UNC45A: variants seen among roughly 807,000 people sequenced by gnomAD.
UNC45A encodes unc-45 myosin chaperone A.
UNC45A carries 78 observed loss-of-function variants against 103.2 expected under a neutral mutation model. The observed-to-expected ratio is 0.76, with a 90% CI of 0.63 to 0.91. The LOEUF (loss-of-function observed/expected upper bound fraction) is 0.91, where lower values mean the gene tolerates loss of function less well. UNC45A is among the 40% of genes least tolerant of loss of function. The probability of loss-of-function intolerance (pLI) is 0.00; values close to 1 mark genes in which losing one functional copy is unlikely to be tolerated. For missense variants in UNC45A, 1,193 were observed against 1,224.8 expected, an observed-to-expected ratio of 0.97 and a Z score of 0.39; for synonymous variants, 495 against 504.6, an observed-to-expected ratio of 0.98 and a Z score of 0.25.
At chr15:90,953,436 T>C in intron 19 of UNC45A, 23 bp from the exon 20 acceptor site, 1 of 1,612,122 alleles carries the variant, frequency 6.2e-7, no homozygotes, top group Non-Finnish European at 8.5e-7. Flanking sequence ...CCAGGGGTCA[T>C]ATCTACCCTG....
At chr15:90,931,557 C>T, upstream of UNC45A, 1 of 1,614,170 alleles carries the variant, frequency 6.2e-7, no homozygotes, top group Non-Finnish European at 8.5e-7. Context: ...TGTATTTTTA[C>T]TGTATGAAAG....
At position 90,935,532 on chromosome 15, in the gene UNC45A, TTCTC is replaced by T; in HGVS notation, c.52-8_52-5del. ...ACCCCCTCCGACGTTTCCGCCCCCTTTCTCTCTACAGGCCAGCTCAGTGGAGCAG... is the reference window on the plus strand; with the variant it reads ...ACCCCCTCCGACGTTTCCGCCCCCTTTCTACAGGCCAGCTCAGTGGAGCAG... On this transcript the variant is annotated splice_polypyrimidine_tract_variant and splice_region_variant and intron_variant, in intron 1 of 19. Transcript: ENST00000418476. 1 of 1,584,974 alleles carries T rather than the reference TTCTC, an allele frequency of 6.3e-7. No homozygotes were observed. Among genetic ancestry groups the T allele is most frequent in the East Asian group, 2.2e-5 (1 of 44,486 alleles).
chr15:90,935,791 C>A, intron 2 of UNC45A, 86 bp downstream of exon 2: 1 of 1,519,154 alleles, frequency 6.6e-7, no homozygotes, highest in Admixed American at 2.2e-5. Flanking sequence ...GCTGGACATT[C>A]ACGCTCCCAG....
At chr15:90,950,298 T>C (rs1303624893) in intron 16 of UNC45A, 31 bp downstream of exon 16, 12 of 1,547,612 alleles carry the variant, frequency 7.8e-6, no homozygotes, top group East Asian at 2.4e-5. Context: ...GCCTTTCCAC[T>C]CCCTCTGTCC....
chr15:90,936,027 G>A, intron 3 of UNC45A, 45 bp downstream of exon 3: 1 of 1,611,982 alleles, frequency 6.2e-7, no homozygotes, highest in Non-Finnish European at 8.5e-7. Context: ...GGGCTTCTGT[G>A]GTGGGCAAGG....
Position 90,950,083 on chromosome 15 carries a change from G to C in UNC45A, c.2074-71G>C. Reference sequence around the variant, plus strand: ...AGGAAGGTGAGGGTGGCACGGTCAGGGCTGGGGAGCCCGATGGTCGGGGTC... The same window carrying C: ...AGGAAGGTGAGGGTGGCACGGTCAGCGCTGGGGAGCCCGATGGTCGGGGTC... On this transcript the variant is annotated intron_variant, in intron 15 of 19. Transcript: ENST00000418476. The C allele has an allele frequency of 2.7e-6, 4 of 1,462,980 alleles. No individual in the cohort carries two copies. The South Asian group carries it at 3.7e-5, about 14-fold the overall frequency. The allele number at this position is 1,462,980 out of a possible 1,614,324, so 90.6% of individuals were successfully genotyped here. A position where few individuals can be genotyped will look rare whatever the true frequency, so the allele number is the denominator to read the frequency against.
intron 4 of UNC45A, among the ~76,000 whole-genome samples, chr15:90,939,229 C>T (rs2036167415): frequency 1.3e-5 from 2 of 152,208 alleles, no homozygotes; most frequent in Admixed American, 6.5e-5. Context: ...GATCCACCTG[C>T]CTTGGCCTCC....
intron 4 of UNC45A, 112 bp downstream of exon 4, chr15:90,936,572 T>C: frequency 7.7e-7 from 1 of 1,298,686 alleles, no homozygotes; most frequent in Non-Finnish European, 1.0e-6. Context: ...GAACCTTGCC[T>C]GTGGCCAGGG....
intron 4 of UNC45A, 65 bp downstream of exon 4, chr15:90,936,525 T>C: frequency 6.5e-7 from 1 of 1,545,332 alleles, no homozygotes; most frequent in Admixed American, 2.0e-5. Flanking sequence ...GCCAGGGGTG[T>C]AGACACAGTT....
At chr15:90,935,185 G>T, upstream of UNC45A, 1 of 820,056 alleles carries the variant, frequency 1.2e-6, no homozygotes, top group Non-Finnish European at 1.9e-6. Flanking sequence ...GCCCGGGCGC[G>T]CTCCCTCCTT....
intron 10 of UNC45A, 178 bp from the exon 11 acceptor site, chr15:90,947,618 G>A (rs1455139339): frequency 3.3e-6 from 2 of 604,744 alleles, no homozygotes; most frequent in Non-Finnish European, 5.9e-6. Flanking sequence ...CACCCCAGTA[G>A]CTGATTTTCT....
chr15:90,933,116 C>G (rs1019439413), upstream of UNC45A: 2 of 151,984 alleles, frequency 1.3e-5, no homozygotes, highest in Non-Finnish European at 1.5e-5. Context: ...TCAGAGCCTT[C>G]CCTGGGAGCC....
chr15:90,931,988 T>C (rs1447179240), upstream of UNC45A: 1 of 1,613,730 alleles, frequency 6.2e-7, no homozygotes, highest in African/African-American at 1.3e-5. Flanking sequence ...CAGCCAAGGG[T>C]TGCCCATTGC....
At chr15:90,937,868 T>G (rs1418445633) in intron 4 of UNC45A, among the ~76,000 whole-genome samples, 1 of 152,208 alleles carries the variant, frequency 6.6e-6, no homozygotes, top group Non-Finnish European at 1.5e-5. Flanking sequence ...TCACCCATGC[T>G]GGAGTACAAC....
chr15:90,932,123 G>T (rs549390607), upstream of UNC45A: 2 of 1,580,326 alleles, frequency 1.3e-6, no homozygotes, highest in East Asian at 4.5e-5. Context: ...GACGGGGAGG[G>T]GCAAAGCAGG....
At chr15:90,931,927 G>A, upstream of UNC45A, 1 of 1,613,942 alleles carries the variant, frequency 6.2e-7, no homozygotes. Context: ...CCTCCACCGT[G>A]TCATGGAGCA....
chr15:90,944,060 T>C (rs2151365304), intron 8 of UNC45A, among the ~76,000 whole-genome samples: 1 of 130,388 alleles, frequency 7.7e-6, no homozygotes, highest in South Asian at 2.6e-4. Flanking sequence ...AAAATAACGG[T>C]AGATATATCA....
At position 90,944,892 on chromosome 15, in the gene UNC45A, G is replaced by A. The variant is rs2036482593; in HGVS notation, c.1028G>A (p.Gly343Asp). ...NSLTLWVIDQ[G>D]LKKILEVGGS... ...CTGTCTAAGCGGGGTGTCTTTACAG[G>A]TCTGAAAAAGATTTTGGAAGTGGGG... The change falls in exon 9 of 20, where the codon GGT becomes GAT. Residue 343 changes from glycine to aspartate, a missense_variant and splice_region_variant. Coordinates refer to ENST00000418476, the MANE Select transcript of UNC45A (RefSeq NM_018671.5). 6.2e-7 allele frequency: 1 copy of A among 1,611,990 alleles called. No homozygotes were observed. Among genetic ancestry groups the A allele is most frequent in the Non-Finnish European group, 8.5e-7 (1 of 1,179,844 alleles).
intron 8 of UNC45A, among the ~76,000 whole-genome samples, chr15:90,943,986 GTTTT>G (rs953436599): frequency 1.8e-4 from 14 of 78,318 alleles, no homozygotes; most frequent in African/African-American, 5.0e-4. Flanking sequence ...ATTGTGCCCT[GTTTT>G]TTTTTTTTTT....
Sources: gnomAD v4.1 joint callset for allele counts (sites outside exome capture counted in the v4.1 genomes callset) on GRCh38, gnomAD v4.1.1 for gene constraint, MANE v1.5 for transcripts, NCBI Gene and HGNC (gene_info 2026-07-23, HGNC 2026-07-21) for gene names.